The following PRKCZ variants were observed in gnomAD, a reference collection of about 807,000 sequenced individuals.
PRKCZ encodes the protein protein kinase C zeta type.
A neutral mutation model predicts 79.5 loss-of-function variants in PRKCZ; 33 were observed. The observed-to-expected ratio is 0.41, with a 90% CI of 0.31 to 0.55. PRKCZ has a LOEUF of 0.55. Ranked by LOEUF, PRKCZ falls within the 20% of genes least tolerant of loss-of-function variation. The probability of loss-of-function intolerance (pLI) is 0.19; values close to 1 mark genes in which losing one functional copy is unlikely to be tolerated. For synonymous variants in PRKCZ, 342 were observed against 320.9 expected, an observed-to-expected ratio of 1.07 and a Z score of -0.70; for missense variants, 578 against 813.5, an observed-to-expected ratio of 0.71 and a Z score of 3.52.
intron 4 of PRKCZ, among the ~76,000 whole-genome samples, chr1:2,080,135 A>G (rs1210777535): frequency 1.3e-5 from 2 of 152,086 alleles, no homozygotes; most frequent in Non-Finnish European, 2.9e-5. Flanking sequence ...CAGGGCATCC[A>G]CTACCCGGCC....
chr1:2,106,217 G>A (rs1164352724), intron 4 of PRKCZ, among the ~76,000 whole-genome samples: 1 of 152,260 alleles, frequency 6.6e-6, no homozygotes. Context: ...GGGAAGGGAG[G>A]TGGAGCTCCA....
chr1:2,161,806 C>T (rs1302149011), intron 10 of PRKCZ, among the ~76,000 whole-genome samples: 3 of 152,044 alleles, frequency 2.0e-5, no homozygotes, highest in Admixed American at 1.3e-4. Flanking sequence ...GCATGGTTCC[C>T]AGGATGAGCA....
At chr1:2,093,159 G>C (rs183432989) in intron 4 of PRKCZ, among the ~76,000 whole-genome samples, 37 of 152,354 alleles carry the variant, frequency 2.4e-4, no homozygotes, top group Admixed American at 2.2e-3. Context: ...CCTGGCGGGA[G>C]AGGAGGCAGA....
chr1:2,050,176 C>T (rs1659505548), upstream of PRKCZ: 1 of 152,132 alleles, frequency 6.6e-6, no homozygotes, highest in Non-Finnish European at 1.5e-5. Flanking sequence ...GGTTGCCGGG[C>T]AGAGCCGCGC....
chr1:2,086,642 C>T (rs1401284562), intron 4 of PRKCZ, among the ~76,000 whole-genome samples: 1 of 152,218 alleles, frequency 6.6e-6, no homozygotes, highest in Non-Finnish European at 1.5e-5. Context: ...ACTTCAGAAA[C>T]TAACCTGCCT....
In PRKCZ at chr1:2,050,701, G is replaced by T; in HGVS notation, c.71G>T (p.Gly24Val). The T allele has an allele frequency of 8.2e-7, 1 of 1,224,626 alleles. No homozygotes were observed. Among genetic ancestry groups the T allele is most frequent in the Non-Finnish European group, 1.0e-6 (1 of 982,240 alleles). 75.9% of individuals were successfully genotyped at this position (1,224,626 alleles called of 1,614,324 possible). ...GRVRLKAHYG[G>V]DIFITSVDAA... Reference sequence around the variant, plus strand: ...GTCCGCCTCAAGGCGCATTACGGGGGGTGAGCGGCGGAGAGGGCGGGGAGC... The same window carrying T: ...GTCCGCCTCAAGGCGCATTACGGGGTGTGAGCGGCGGAGAGGGCGGGGAGC... The change falls in exon 1 of 18, where the codon GGG becomes GTG. Residue 24 changes from glycine (G) to valine (V), a missense_variant and splice_region_variant. Transcript: ENST00000378567.
rs965246378 is a variant in PRKCZ at position 2,178,981 on chromosome 1, C to G, written c.1575+3668C>G. ...GCTGAACCAGCACCACTCAGGCAGT[C>G]GCCGCCACTGGGGTGTGACTCTGGG... On this transcript the variant is annotated intron_variant, in intron 16 of 17. Transcript: ENST00000378567. This position sits in a 1 kb window ranked among gnomAD's most constrained non-coding sequence, Gnocchi z 4.3. Among the ~76,000 whole-genome samples the G allele has an allele frequency of 6.6e-6, 1 of 152,224 alleles. No homozygotes were observed. Among genetic ancestry groups the G allele is most frequent in the African/African-American group, 2.4e-5 (1 of 41,452 alleles).
intron 4 of PRKCZ, 60 bp downstream of exon 4, chr1:2,059,651 T>C: frequency 1.9e-6 from 3 of 1,603,874 alleles, no homozygotes; most frequent in Non-Finnish European, 2.6e-6. Context: ...TGTTGATCCG[T>C]TGTGCCACGG....
chr1:2,068,049 C>T (rs559051537), intron 4 of PRKCZ, among the ~76,000 whole-genome samples: 39 of 152,332 alleles, frequency 2.6e-4, no homozygotes, highest in African/African-American at 8.9e-4. Context: ...GGACGTGTGG[C>T]GGCCCTGTCG....
At chr1:2,074,593 C>G (rs192392155) in intron 4 of PRKCZ, 1 of 488,844 alleles carries the variant, frequency 2.0e-6, no homozygotes, top group Admixed American at 3.5e-5. Context: ...GCGGTCTTTC[C>G]GTCTCGAGCC....
chr1:2,136,287 A>G (rs1417056438), intron 5 of PRKCZ, among the ~76,000 whole-genome samples: 2 of 152,168 alleles, frequency 1.3e-5, no homozygotes, highest in African/African-American at 2.4e-5. Flanking sequence ...TCATGTGGCA[A>G]GAGTGGGTCT....
chr1:2,184,725 G>A (rs1410587752), intron 17 of PRKCZ, 27 bp downstream of exon 17: 1 of 1,596,102 alleles, frequency 6.3e-7, no homozygotes, highest in Non-Finnish European at 8.6e-7. Flanking sequence ...GCGGGTCCCT[G>A]GAGCACCCCT....
At chr1:2,148,828 C>T in intron 7 of PRKCZ, 44 bp from the exon 8 acceptor site, 1 of 1,601,984 alleles carries the variant, frequency 6.2e-7, no homozygotes, top group Non-Finnish European at 8.5e-7. Flanking sequence ...CAGTGCGTTC[C>T]TGACCACACC....
rs1215795702 is a variant in PRKCZ at position 2,174,168 on chromosome 1, C to G, written c.1405+152C>G. The G allele has an allele frequency of 2.5e-5, 28 of 1,111,188 alleles. No individual in the cohort carries two copies. Among genetic ancestry groups the G allele is most frequent in the Non-Finnish European group, 3.3e-5 (27 of 820,284 alleles). 68.8% of individuals were successfully genotyped at this position (1,111,188 alleles called of 1,614,324 possible). On this transcript the variant is annotated intron_variant, in intron 14 of 17. Transcript: ENST00000378567. The surrounding 1 kb of genome is among the most constrained non-coding windows in gnomAD (Gnocchi z 6.2). ...CATTCCTCCTGGCCAGACCCTGTGT[C>G]ACATGCCACTCCCCGGGCCGTGGGG...
intron 4 of PRKCZ, among the ~76,000 whole-genome samples, chr1:2,133,444 G>A (rs1675424903): frequency 6.8e-6 from 1 of 146,498 alleles, no homozygotes; most frequent in African/African-American, 2.6e-5. Context: ...CAAGCTGTGC[G>A]TCCTTCCCTC....
intron 1 of PRKCZ, among the ~76,000 whole-genome samples, chr1:2,051,773 G>A (rs1659685668): frequency 1.3e-5 from 2 of 152,084 alleles, no homozygotes; most frequent in African/African-American, 4.8e-5. Flanking sequence ...AGCTTCCTGC[G>A]AACCTTGTCT....
intron 4 of PRKCZ, among the ~76,000 whole-genome samples, chr1:2,118,739 G>GTGTGTGTGTGTGTT (rs1553153093): frequency 3.1e-4 from 46 of 148,618 alleles, no homozygotes; most frequent in Admixed American, 2.2e-3. Flanking sequence ...GTGTGTGTGT[G>GTGTGTGTGTGTGTT]TGTGTGTGTG....
chr1:2,164,727 G>A (rs890592789), intron 10 of PRKCZ, among the ~76,000 whole-genome samples: 47 of 152,262 alleles, frequency 3.1e-4, no homozygotes, highest in African/African-American at 9.6e-4. Flanking sequence ...TTCAATTCCC[G>A]GGAACATTCT....
chr1:2,116,942 G>GT (rs1347080630), intron 4 of PRKCZ, among the ~76,000 whole-genome samples: 11 of 152,008 alleles, frequency 7.2e-5, no homozygotes, highest in Admixed American at 1.3e-4. Context: ...TTTGATTGGG[G>GT]TTTTTTTGGC....
Sources: gnomAD v4.1 joint callset for allele counts (sites outside exome capture counted in the v4.1 genomes callset) on GRCh38, gnomAD v4.1.1 for gene constraint, Gnocchi (gnomAD v3.1) non-coding constraint, MANE v1.5 for transcripts, NCBI Gene and HGNC (gene_info 2026-07-23, HGNC 2026-07-21) for gene names.